JAM3: variants seen among roughly 807,000 people sequenced by gnomAD.
JAM3 encodes the protein junctional adhesion molecule C.
In JAM3, 31 loss-of-function variants were observed where a neutral mutation model predicts 39.4. The observed-to-expected ratio is 0.79, with a 90% CI of 0.59 to 1.06. JAM3 has a LOEUF of 1.06. JAM3 is among the 50% of genes least tolerant of loss of function. JAM3 has a pLI of 0.00. For missense variants in JAM3, 455 were observed against 391.4 expected (o/e 1.16, Z -1.37); for synonymous variants, 182 against 148.7 (o/e 1.22, Z -1.63).
chr11:134,124,131 G>T, intron 1 of JAM3: 2 of 1,493,386 alleles, frequency 1.3e-6, no homozygotes, highest in Non-Finnish European at 1.9e-6. Context: ...ATCATCAAAT[G>T]GCCAATCTAG....
At chr11:134,120,154 C>T (rs1020167205) in intron 1 of JAM3, among the ~76,000 whole-genome samples, 3 of 151,968 alleles carry the variant, frequency 2.0e-5, no homozygotes, top group African/African-American at 4.8e-5. Flanking sequence ...GTAGACTCTG[C>T]GAAGCAGCTG....
Position 134,151,703 on chromosome 11 carries a change from G to A in JAM3, c.*2522G>A, listed in dbSNP as rs778013720. 5 of 152,190 alleles carry A rather than the reference G, an allele frequency of 3.3e-5. No homozygotes were observed. The highest frequency in any genetic ancestry group is 9.7e-5 in the African/African-American group (4 of 41,442). 9.4% of individuals were successfully genotyped at this position (152,190 alleles called of 1,614,324 possible). On this transcript the variant is annotated 3_prime_UTR_variant, in exon 9 of 9. Coordinates refer to ENST00000299106, the MANE Select transcript of JAM3 (RefSeq NM_032801.5). ...TGCTACAGACTTGTACTAACACACC[G>A]TAATTTGGCATTTGTTTAACCTCAT... is the stretch of plus-strand genomic sequence containing the variant.
chr11:134,107,765 G>T (rs563129197), intron 1 of JAM3, among the ~76,000 whole-genome samples: 27 of 152,082 alleles, frequency 1.8e-4, no homozygotes, highest in African/African-American at 6.0e-4. Context: ...TGGGACATCG[G>T]GGCAGGAGAA....
intron 1 of JAM3, among the ~76,000 whole-genome samples, chr11:134,134,398 C>CAAAAAAAAAAAAAAAAAAAAAAAAA (rs34729848): frequency 1.9e-4 from 6 of 31,920 alleles, no homozygotes; most frequent in African/African-American, 2.5e-4. Context: ...GGATAAATGC[C>CAAAAAAAAAAAAAAAAAAAAAAAAA]AAAAAAAAAA....
At chr11:134,124,217 A>G (rs1431459618) in intron 1 of JAM3, 20 of 1,383,674 alleles carry the variant, frequency 1.4e-5, no homozygotes, top group East Asian at 2.3e-5. Context: ...TCATCACTCC[A>G]TACTTCTTAA....
intron 1 of JAM3, among the ~76,000 whole-genome samples, chr11:134,093,894 A>G (rs1414553325): frequency 5.3e-5 from 6 of 112,174 alleles, no homozygotes; most frequent in Admixed American, 2.5e-4. Flanking sequence ...CTTATTCATC[A>G]TGTTCCACCT....
intron 1 of JAM3, among the ~76,000 whole-genome samples, chr11:134,073,300 GAGT>G (rs1241551777): frequency 1.3e-5 from 2 of 152,194 alleles, no homozygotes; most frequent in Non-Finnish European, 2.9e-5. Flanking sequence ...CATTTCCCAT[GAGT>G]AGTTAATACA....
At chr11:134,147,459 CAAAAAAAAAAA>C (rs557379286) in intron 6 of JAM3, among the ~76,000 whole-genome samples, 1 of 70,874 alleles carries the variant, frequency 1.4e-5, no homozygotes, top group Non-Finnish European at 2.8e-5. Context: ...GACTCTGTCT[CAAAAAAAAAAA>C]AAAAAAAACG....
At chr11:134,113,535 T>TG (rs760347413) in intron 1 of JAM3, among the ~76,000 whole-genome samples, 4 of 152,234 alleles carry the variant, frequency 2.6e-5, no homozygotes, top group Admixed American at 6.5e-5. Context: ...TCATCTTTTA[T>TG]GGCTGCATAG....
At position 134,149,985 on chromosome 11, in the gene JAM3, T is replaced by G. The variant is rs975657733; in HGVS notation, c.*804T>G. 6.0e-6 allele frequency: 1 copy of G among 166,540 alleles called. No homozygotes were observed. The highest frequency in any genetic ancestry group is 2.4e-5 in the African/African-American group (1 of 41,610). 10.3% of individuals were successfully genotyped at this position (166,540 alleles called of 1,614,324 possible). A position where few individuals can be genotyped will look rare whatever the true frequency, so the allele number is the denominator to read the frequency against. Reference sequence around the variant, plus strand: ...TTGAAAAGAAAATTTCTATTTAAACTGTAAATATATTGTCATACAATGTTA... The same window carrying G: ...TTGAAAAGAAAATTTCTATTTAAACGGTAAATATATTGTCATACAATGTTA... On this transcript the variant is annotated 3_prime_UTR_variant, in exon 9 of 9. Coordinates refer to ENST00000299106, the MANE Select transcript of JAM3 (RefSeq NM_032801.5).
chr11:134,069,177 C>T lies in JAM3; in HGVS notation c.76+18C>T. 2 of 1,611,668 alleles carry T rather than the reference C, an allele frequency of 1.2e-6. No individual in the cohort carries two copies. Among genetic ancestry groups the T allele is most frequent in the Non-Finnish European group, 1.7e-6 (2 of 1,178,904 alleles). On this transcript the variant is annotated intron_variant, in intron 1 of 8. Transcript: ENST00000299106. ...TTTCAGGGGTGAGTTTGCGCGTTTC[C>T]GCTGTTGGGAGACTAGGGTCTGGGG...
intron 1 of JAM3, 130 bp from the exon 2 acceptor site, chr11:134,139,721 G>C (rs761233607): frequency 3.7e-5 from 28 of 750,702 alleles, no homozygotes; most frequent in Non-Finnish European, 6.3e-5. Context: ...AGACTTTATT[G>C]TGGAATATTT....
intron 1 of JAM3, among the ~76,000 whole-genome samples, chr11:134,136,360 A>C (rs1166601389): frequency 6.6e-6 from 1 of 152,146 alleles, no homozygotes; most frequent in Admixed American, 6.5e-5. Flanking sequence ...TCTTATCCCC[A>C]GGCATTGGGC....
chr11:134,121,939 CCTTAG>C (rs747553785), intron 1 of JAM3, among the ~76,000 whole-genome samples: 57 of 152,072 alleles, frequency 3.7e-4, no homozygotes, highest in Non-Finnish European at 1.6e-4. Context: ...ACACTGTCTA[CCTTAG>C]CTTAGCACGT....
chr11:134,085,360 C>T (rs1264096217), intron 1 of JAM3, among the ~76,000 whole-genome samples: 2 of 152,008 alleles, frequency 1.3e-5, no homozygotes, highest in Non-Finnish European at 2.9e-5. Flanking sequence ...CTATTATTTC[C>T]TAGGCAGATT....
At position 134,140,543 on chromosome 11, in the gene JAM3, C is replaced by T. The variant is rs1591805859; in HGVS notation, c.143-114C>T. On this transcript the variant is annotated intron_variant, in intron 2 of 8. Transcript: ENST00000299106. ...GTCTCTTGGAGTGTGGAGTTGGCTA[C>T]GTTTTTAATCTGCATGAAAGGCCTC... is the stretch of plus-strand genomic sequence containing the variant. The T allele has an allele frequency of 5.7e-5, 48 of 846,158 alleles. No individual in the cohort carries two copies. The East Asian group carries it at 9.5e-4, about 17-fold the overall frequency. The allele number at this position is 846,158 out of a possible 1,614,324, so 52.4% of individuals were successfully genotyped here.
intron 1 of JAM3, among the ~76,000 whole-genome samples, chr11:134,112,304 T>A (rs936876672): frequency 2.0e-5 from 3 of 152,080 alleles, no homozygotes; most frequent in Non-Finnish European, 2.9e-5. Context: ...ACCAGGCTGG[T>A]CTTGAACTCC....
chr11:134,083,224 C>T (rs1217191775), intron 1 of JAM3, among the ~76,000 whole-genome samples: 1 of 152,210 alleles, frequency 6.6e-6, no homozygotes, highest in Non-Finnish European at 1.5e-5. Flanking sequence ...GGACAAAATG[C>T]TGAGATGAAT....
chr11:134,110,420 A>T (rs1398013624), intron 1 of JAM3, among the ~76,000 whole-genome samples: 1 of 152,270 alleles, frequency 6.6e-6, no homozygotes, highest in Non-Finnish European at 1.5e-5. Context: ...GTAAATAAAC[A>T]TCTGGTGGTA....
Sources: gnomAD v4.1 joint callset for allele counts (sites outside exome capture counted in the v4.1 genomes callset) on GRCh38, gnomAD v4.1.1 for gene constraint, MANE v1.5 for transcripts, NCBI Gene and HGNC (gene_info 2026-07-23, HGNC 2026-07-21) for gene names.